TRIM64C: variants seen among roughly 807,000 people sequenced by gnomAD.
TRIM64C encodes the protein tripartite motif-containing protein 64C.
A neutral mutation model predicts 36.1 loss-of-function variants in TRIM64C; 25 were observed. The ratio of observed to expected loss-of-function variants is 0.69; its 90% CI spans 0.51 to 0.97. The LOEUF (loss-of-function observed/expected upper bound fraction) is 0.97. TRIM64C is among the 50% of genes least tolerant of loss of function. The probability of loss-of-function intolerance (pLI) is 0.00; values close to 1 mark genes in which losing one functional copy is unlikely to be tolerated. For missense variants in TRIM64C, 489 were observed against 536.8 expected (o/e 0.91, Z 0.88); for synonymous variants, 212 against 185.7 (o/e 1.14, Z -1.15).
rs937356595 is a variant in TRIM64C at position 49,053,951 on chromosome 11, A to G, written c.1116T>C (p.Ser372=). The G allele has an allele frequency of 6.4e-6, 10 of 1,551,612 alleles. No individual in the cohort carries two copies. The East Asian group carries it at 1.7e-4, about 27-fold the overall frequency. The change falls in exon 6 of 6, where the codon TCT becomes TCC. Residue 372 remains serine (S), a synonymous_variant. Coordinates refer to ENST00000617704, the MANE Select transcript of TRIM64C (RefSeq NM_001206631.1). ...AAGAAATTGAAAAAAATGTTTTGTC[A>G]GAATCAATAACTATATTGGTATCTG... The part of the protein sequence containing the change: ...RTADTNIVID[S]DKTFFSISSK...
chr11:49,058,988 C>A lies in TRIM64C; in HGVS notation c.125G>T (p.Cys42Phe). The A allele has an allele frequency of 6.4e-7, 1 of 1,551,284 alleles. No individual in the cohort carries two copies. ...CATTGGTGCTCTGCCTTCTTCTGAG[C>A]AGAGGCAGAGGCAGGGCCTGCAAAA... is the stretch of plus-strand genomic sequence containing the variant. ...HSFCRPCLCL[C>F]SEEGRAPMRC... Residue 42 changes from cysteine (C) to phenylalanine (F), a missense_variant, in exon 1 of 6, where the codon TGC becomes TTC. Cys to Phe is a radical substitution (Grantham distance 205, BLOSUM62 -2). Transcript: ENST00000617704.
chr11:49,058,600 C>A, intron 1 of TRIM64C, 101 bp downstream of exon 1: 1 of 1,505,938 alleles, frequency 6.6e-7, no homozygotes, highest in Non-Finnish European at 8.8e-7. Flanking sequence ...ATGGAATAAT[C>A]GCCACCTCCA....
intron 3 of TRIM64C, among the ~76,000 whole-genome samples, chr11:49,056,863 C>T (rs1854820221): frequency 6.6e-6 from 1 of 151,922 alleles, no homozygotes; most frequent in African/African-American, 2.4e-5. Flanking sequence ...TACTAACCTT[C>T]CCCTGGCCTA....
Position 49,059,050 on chromosome 11 carries a change from G to A in TRIM64C, c.63C>T (p.Tyr21=). 1 of 1,553,158 alleles carries A rather than the reference G, an allele frequency of 6.4e-7. No homozygotes were observed. The highest frequency in any genetic ancestry group is 1.4e-5 in the African/African-American group (1 of 72,764). Residue 21 remains tyrosine, a synonymous_variant, in exon 1 of 6, where the codon TAC becomes TAT. Transcript: ENST00000617704. ...AGTCAGTGGTGACCGGGTCTATGAA[G>A]TAGTTCACGCAAATGCAGCAAATGA... The part of the protein sequence containing the change: ...NELICCICVN[Y]FIDPVTTDCV...
intron 5 of TRIM64C, 73 bp downstream of exon 5, chr11:49,055,237 T>G (rs1590643854): frequency 2.0e-6 from 3 of 1,521,960 alleles, no homozygotes; most frequent in Non-Finnish European, 2.6e-6. Flanking sequence ...AAAACGTAAA[T>G]GGGAGAAGCC....
rs774880822 is a variant in TRIM64C at position 49,053,726 on chromosome 11, A to G, written c.1341T>C (p.Phe447=). The G allele has an allele frequency of 2.4e-5, 37 of 1,549,802 alleles. 3 individuals are homozygous for G. In the South Asian group the frequency reaches 4.2e-4, roughly 17 times the overall value. ...FSSPLRPFFC[F]GCT ...TGAAACCAACTTTTCATGTACAACC[A>G]AAGCAAAAGAAAGGCCTCAGAGGGG... Residue 447 remains phenylalanine (F), a synonymous_variant, in exon 6 of 6, where the codon TTT becomes TTC. Coordinates refer to ENST00000617704, the MANE Select transcript of TRIM64C (RefSeq NM_001206631.1).
At chr11:49,055,958 C>T (rs1565097865) in intron 4 of TRIM64C, among the ~76,000 whole-genome samples, 1 of 151,718 alleles carries the variant, frequency 6.6e-6, no homozygotes, top group African/African-American at 2.4e-5. Flanking sequence ...GTCATTGATG[C>T]TTTTAGGAAC....
chr11:49,054,154 C>T lies in TRIM64C; in HGVS notation c.913G>A (p.Asp305Asn). 1 of 1,551,520 alleles carries T rather than the reference C, an allele frequency of 6.4e-7. No homozygotes were observed. Reference protein sequence around the residue: ...MTPCYISLSEDVRRVIFGDDH... With the variant: ...MTPCYISLSENVRRVIFGDDH... ...TCTCCAAATATCACACGTCTCACAT[C>T]CTCAGAAAGGCTTATATAGCAAGGA... Residue 305 changes from aspartate to asparagine, a missense_variant, in exon 6 of 6, where the codon GAT becomes AAT. Coordinates refer to ENST00000617704, the MANE Select transcript of TRIM64C (RefSeq NM_001206631.1).
chr11:49,057,230 A>T lies in TRIM64C; in HGVS notation c.656T>A (p.Met219Lys). 1.3e-6 allele frequency: 2 copies of T among 1,549,700 alleles called. No homozygotes were observed. The highest frequency in any genetic ancestry group is 1.7e-6 in the Non-Finnish European group (2 of 1,146,954). ...FQQLQDSQVRMTQHLEGMKDM... is the reference protein window; with the variant it reads ...FQQLQDSQVRKTQHLEGMKDM... ...TTTCATCCCTTCTAAATGTTGGGTC[A>T]TTCTCACTTGACTGTCTTGTAGTTG... Residue 219 changes from methionine (M) to lysine (K), a missense_variant, in exon 3 of 6, where the codon ATG (methionine) becomes AAG (lysine). Physicochemically the swap from Met to Lys is moderately conservative, Grantham distance 95. Transcript: ENST00000617704.
At chr11:49,055,494 T>C in intron 4 of TRIM64C, 87 bp from the exon 5 acceptor site, 1 of 1,496,902 alleles carries the variant, frequency 6.7e-7, no homozygotes, top group Non-Finnish European at 9.0e-7. Context: ...TCATATAAGA[T>C]GTTTCCTCAG....
chr11:49,054,704 C>A (rs1854792341), intron 5 of TRIM64C, among the ~76,000 whole-genome samples: 1 of 152,100 alleles, frequency 6.6e-6, no homozygotes, highest in Admixed American at 6.6e-5. Context: ...TGTTTAGCCC[C>A]TGATTCAATC....
At chr11:49,057,488 C>G (rs1854827274) in intron 2 of TRIM64C, 110 bp from the exon 3 acceptor site, 2 of 1,126,512 alleles carry the variant, frequency 1.8e-6, no homozygotes, top group Non-Finnish European at 2.6e-6. Flanking sequence ...CTGCTTCACT[C>G]TTGCAAAGAG....
rs535544314 is a variant in TRIM64C at position 49,053,804 on chromosome 11, A to T, written c.1263T>A (p.Phe421Leu). 1 of 1,551,612 alleles carries T rather than the reference A, an allele frequency of 6.4e-7. No homozygotes were observed. The highest frequency in any genetic ancestry group is 8.7e-7 in the Non-Finnish European group (1 of 1,146,830). Reference sequence around the variant, plus strand: ...AGATAAGAGAACCTTTAGAAACATCAAAAAAACTCACAGATCCATTATCAT... The same window carrying T: ...AGATAAGAGAACCTTTAGAAACATCTAAAAAACTCACAGATCCATTATCAT... ...LDYDNGSVSF[F>L]DVSKGSLIYG... Residue 421 changes from phenylalanine to leucine, a missense_variant, in exon 6 of 6, where the codon TTT becomes TTA. Physicochemically the swap from Phe to Leu is conservative, Grantham distance 22. Transcript: ENST00000617704.
intron 3 of TRIM64C, 31 bp from the exon 4 acceptor site, chr11:49,056,412 A>G: frequency 1.3e-6 from 2 of 1,523,586 alleles, no homozygotes; most frequent in East Asian, 2.5e-5. Flanking sequence ...AATGTTAATT[A>G]TGAGAGATTT....
intron 5 of TRIM64C, among the ~76,000 whole-genome samples, chr11:49,054,410 GA>G (rs1033171053): frequency 1.3e-5 from 2 of 152,096 alleles, no homozygotes; most frequent in African/African-American, 4.8e-5. Context: ...AAATAATAGA[GA>G]AAAAATGTGA....
At chr11:49,056,201 A>G (rs2134720614) in intron 4 of TRIM64C, among the ~76,000 whole-genome samples, 158 bp downstream of exon 4, 1 of 151,860 alleles carries the variant, frequency 6.6e-6, no homozygotes, top group African/African-American at 2.4e-5. Context: ...TAAGATGGAA[A>G]CTTTCCAAAC....
chr11:49,056,150 T>C (rs73471251), intron 4 of TRIM64C, among the ~76,000 whole-genome samples: 1 of 151,174 alleles, frequency 6.6e-6, no homozygotes. Context: ...AACTTCCGAA[T>C]GGCAAATTGT....
intron 4 of TRIM64C, among the ~76,000 whole-genome samples, chr11:49,055,686 C>T (rs1282501285): frequency 1.3e-5 from 2 of 152,148 alleles, no homozygotes; most frequent in Non-Finnish European, 2.9e-5. Flanking sequence ...CCATCACACC[C>T]CCTGAGGGTA....
chr11:49,057,777 G>T, intron 2 of TRIM64C: 1 of 503,574 alleles, frequency 2.0e-6, no homozygotes. Flanking sequence ...TATTTCTTTT[G>T]TCTTCCTGAC....
Sources: gnomAD v4.1 joint callset for allele counts (sites outside exome capture counted in the v4.1 genomes callset) on GRCh38, gnomAD v4.1.1 for gene constraint, MANE v1.5 for transcripts, NCBI Gene and HGNC (gene_info 2026-07-23, HGNC 2026-07-21) for gene names.